MSR1: variants seen among roughly 807,000 people sequenced by gnomAD.
MSR1 encodes macrophage scavenger receptor types I and II.
Under a neutral mutation model 47.2 loss-of-function variants are expected in MSR1, and 53 were observed. The ratio of observed to expected loss-of-function variants is 1.12; its 90% CI spans 0.90 to 1.41. The LOEUF is 1.41. Among genes scored for constraint, MSR1 ranks in the 40% most tolerant of loss-of-function variants. The pLI, the probability that MSR1 is intolerant of heterozygous loss-of-function variation, is 0.00. For synonymous variants in MSR1, 239 were observed against 185.6 expected (o/e 1.29, Z -2.34); for missense variants, 786 against 546.9 (o/e 1.44, Z -4.36).
intron 8 of MSR1, among the ~76,000 whole-genome samples, chr8:16,126,163 G>C (rs1365179807): frequency 6.6e-6 from 1 of 152,060 alleles, no homozygotes; most frequent in Non-Finnish European, 1.5e-5. Flanking sequence ...CCATATATGA[G>C]TCTACCCTTA....
chr8:16,144,014 C>A (rs1800631253), intron 7 of MSR1, among the ~76,000 whole-genome samples: 1 of 152,024 alleles, frequency 6.6e-6, no homozygotes, highest in South Asian at 2.1e-4. Flanking sequence ...GTTTTCATTT[C>A]TTTAGAGTGT....
At chr8:16,158,854 C>A (rs994727624) in intron 5 of MSR1, among the ~76,000 whole-genome samples, 1 of 151,522 alleles carries the variant, frequency 6.6e-6, no homozygotes, top group African/African-American at 2.4e-5. Context: ...ATCTGTTCTT[C>A]CATTATTCCT....
chr8:16,172,852 A>T (rs1422724189), intron 3 of MSR1, among the ~76,000 whole-genome samples: 1 of 152,110 alleles, frequency 6.6e-6, no homozygotes, highest in Non-Finnish European at 1.5e-5. Context: ...TTTATATATA[A>T]TATTCTATTT....
chr8:16,184,806 A>T (rs1034397490), intron 1 of MSR1, among the ~76,000 whole-genome samples: 3 of 150,758 alleles, frequency 2.0e-5, no homozygotes, highest in Non-Finnish European at 4.4e-5. Flanking sequence ...CCTTTGATTT[A>T]TTTTTTTTTA....
intron 8 of MSR1, among the ~76,000 whole-genome samples, chr8:16,125,132 T>G (rs967195646): frequency 6.6e-6 from 1 of 152,168 alleles, no homozygotes; most frequent in East Asian, 1.9e-4. Context: ...TTAGAAAATC[T>G]GATCTTGTCA....
chr8:16,180,286 G>C (rs895621986), intron 1 of MSR1, among the ~76,000 whole-genome samples: 2 of 151,976 alleles, frequency 1.3e-5, no homozygotes, highest in Admixed American at 1.3e-4. Flanking sequence ...TGCATACTAA[G>C]CAGCTTTTAA....
rs1046938082 is a variant in MSR1, at chr8:16,139,678, C to A, written c.1033+3880G>T. ...TTTTGTTTGAAATGACCAGGTAATACATGAAAAGTTTTATTTTTGGTTTAA... is the reference window on the plus strand; with the variant it reads ...TTTTGTTTGAAATGACCAGGTAATAAATGAAAAGTTTTATTTTTGGTTTAA... On this transcript the variant is annotated intron_variant, in intron 8 of 9. Transcript: ENST00000262101. 1.1e-5 allele frequency: 11 copies of A among 963,052 alleles called. No individual in the cohort carries two copies. In the African/African-American group the frequency reaches 1.3e-4, roughly 12 times the overall value. The allele number at this position is 963,052 out of a possible 1,614,324, so 59.7% of individuals were successfully genotyped here.
intron 8 of MSR1, among the ~76,000 whole-genome samples, chr8:16,142,726 G>A (rs17484273): frequency 0.29 from 44,096 of 151,934 alleles, 6,792 homozygotes; most frequent in South Asian, 0.45. Context: ...GCCATTATCT[G>A]CCTAAAACAG....
At chr8:16,162,908 A>G (rs1161682626) in intron 5 of MSR1, among the ~76,000 whole-genome samples, 1 of 151,892 alleles carries the variant, frequency 6.6e-6, no homozygotes, top group Non-Finnish European at 1.5e-5. Flanking sequence ...TTGTCTGTAT[A>G]AAAAAAGAAA....
intron 7 of MSR1, among the ~76,000 whole-genome samples, chr8:16,145,496 T>C (rs969994727): frequency 5.3e-5 from 8 of 152,118 alleles, no homozygotes; most frequent in African/African-American, 1.9e-4. Context: ...AAACTATGCA[T>C]TGTTCTTAGA....
intron 8 of MSR1, among the ~76,000 whole-genome samples, chr8:16,122,065 T>C (rs191438103): frequency 3.3e-5 from 5 of 152,110 alleles, no homozygotes; most frequent in Admixed American, 2.0e-4. Context: ...TGTTACTATA[T>C]ATATAATTAT....
chr8:16,174,898 A>G (rs1269051614), intron 3 of MSR1, among the ~76,000 whole-genome samples: 1 of 152,150 alleles, frequency 6.6e-6, no homozygotes, highest in Non-Finnish European at 1.5e-5. Flanking sequence ...CTAGAGGATA[A>G]TATATTTTTG....
Position 16,177,952 on chromosome 8 carries a change from C to T in MSR1, c.37G>A (p.Asp13Asn), listed in dbSNP as rs1415357397. 3 of 1,613,770 alleles carry T rather than the reference C, an allele frequency of 1.9e-6. No homozygotes were observed. Among genetic ancestry groups the T allele is most frequent in the Admixed American group, 1.7e-5 (1 of 59,986 alleles). Residue 13 changes from aspartate to asparagine, a missense_variant, in exon 2 of 10, where the codon GAC becomes AAC. By Grantham distance (23) the Asp-to-Asn change is conservative. Transcript: ENST00000262101. ...ACAGATTCGGAGCAGCTATCAGTGT[C>T]CTCCTGTTGATTGTGAAAGTGATCC... ...QWDHFHNQQE[D>N]TDSCSESVKF... is the part of the protein sequence containing the mutation.
At chr8:16,178,020 A>G (rs1205405625) in intron 1 of MSR1, 28 bp from the exon 2 acceptor site, 17 of 1,545,290 alleles carry the variant, frequency 1.1e-5, no homozygotes, top group Non-Finnish European at 1.3e-5. Flanking sequence ...AAAATATATT[A>G]ATTCCACATG....
intron 1 of MSR1, among the ~76,000 whole-genome samples, chr8:16,184,450 T>G (rs927191800): frequency 6.6e-6 from 1 of 152,118 alleles, no homozygotes; most frequent in Non-Finnish European, 1.5e-5. Context: ...ATAACCTTAG[T>G]TAGGTTGGTA....
intron 3 of MSR1, among the ~76,000 whole-genome samples, chr8:16,172,739 C>A (rs1455420849): frequency 6.6e-6 from 1 of 151,936 alleles, no homozygotes; most frequent in Non-Finnish European, 1.5e-5. Flanking sequence ...TATGTTGTTA[C>A]ACTCTGACAG....
intron 9 of MSR1, among the ~76,000 whole-genome samples, chr8:16,115,042 G>A (rs907043549): frequency 6.6e-6 from 1 of 151,804 alleles, no homozygotes; most frequent in Non-Finnish European, 1.5e-5. Context: ...AGTTGGGTGT[G>A]GTGGTGCATG....
chr8:16,157,677 T>C (rs895148990), intron 5 of MSR1, among the ~76,000 whole-genome samples: 1 of 151,948 alleles, frequency 6.6e-6, no homozygotes, highest in South Asian at 2.1e-4. Flanking sequence ...TATACCACTT[T>C]ACTCTTAGTT....
At chr8:16,141,622 G>C (rs570450624) in intron 8 of MSR1, among the ~76,000 whole-genome samples, 1 of 152,210 alleles carries the variant, frequency 6.6e-6, no homozygotes, top group African/African-American at 2.4e-5. Flanking sequence ...CATGAGGAGG[G>C]AGGGCATGGT....
Sources: gnomAD v4.1 joint callset for allele counts (sites outside exome capture counted in the v4.1 genomes callset) on GRCh38, gnomAD v4.1.1 for gene constraint, MANE v1.5 for transcripts, NCBI Gene and HGNC (gene_info 2026-07-23, HGNC 2026-07-21) for gene names.